Variants in DNAI3 observed in about 807,000 individuals in gnomAD.
DNAI3 encodes the protein dynein axonemal intermediate chain 3.
DNAI3 carries 83 observed loss-of-function variants against 115.5 expected under a neutral mutation model. The observed-to-expected ratio is 0.72, with a 90% CI of 0.60 to 0.86. DNAI3 has a LOEUF of 0.86. Ranked by LOEUF, DNAI3 falls within the 40% of genes least tolerant of loss-of-function variation. DNAI3 has a pLI of 0.00. For synonymous variants in DNAI3, 320 were observed against 347.0 expected, an observed-to-expected ratio of 0.92 and a Z score of 0.86; for missense variants, 1,004 against 1,075.8, an observed-to-expected ratio of 0.93 and a Z score of 0.93.
intron 1 of DNAI3, among the ~76,000 whole-genome samples, chr1:85,071,450 T>G (rs1156722685): frequency 6.6e-6 from 1 of 152,212 alleles, no homozygotes; most frequent in Admixed American, 6.5e-5. Context: ...CATGCTGAGA[T>G]AAAAGTATGA....
rs57826280 is a variant in DNAI3 at position 85,084,473 on chromosome 1, A to AATATAT, written c.391-61_391-56dup. Reference sequence around the variant, plus strand: ...TATATAAAAGTAAAGTTTGTTGCAAAATATATATATATATATAAAGCTATA... The same window carrying AATATAT: ...TATATAAAAGTAAAGTTTGTTGCAAAATATATATATATATATATATATAAAGCTATA... On this transcript the variant is annotated intron_variant, in intron 5 of 22. Transcript: ENST00000294664. 1.2e-3 allele frequency: 1,150 copies of AATATAT among 954,354 alleles called. 2 individuals are homozygous for AATATAT. The East Asian group carries it at 0.029, about 24-fold the overall frequency. The allele number at this position is 954,354 out of a possible 1,614,324, so 59.1% of individuals were successfully genotyped here.
rs200837694 is a variant in DNAI3, at chr1:85,094,572, G to A, written c.1173+17G>A. On this transcript the variant is annotated intron_variant, in intron 10 of 22. Coordinates refer to ENST00000294664, the MANE Select transcript of DNAI3 (RefSeq NM_145172.5). ...CATCCTCAGGTAATTAGGGAGAGTT[G>A]CCTACATAGCCTAAATTTTCAAATA... The A allele has an allele frequency of 1.1e-4, 171 of 1,610,742 alleles. 3 individuals carry two copies. In the African/African-American group the frequency reaches 1.8e-3, roughly 17 times the overall value.
chr1:85,131,768 T>C (rs1656331638), intron 22 of DNAI3, among the ~76,000 whole-genome samples: 1 of 152,178 alleles, frequency 6.6e-6, no homozygotes, highest in Non-Finnish European at 1.5e-5. Flanking sequence ...ATTATGAGTG[T>C]TTAAATACCA....
At chr1:85,101,886 C>T (rs575680968) in intron 13 of DNAI3, among the ~76,000 whole-genome samples, 5 of 151,778 alleles carry the variant, frequency 3.3e-5, no homozygotes, top group African/African-American at 9.7e-5. Flanking sequence ...AAAATATACA[C>T]ATATAAATTT....
chr1:85,124,501 G>T (rs2100614682), intron 19 of DNAI3, among the ~76,000 whole-genome samples: 1 of 152,240 alleles, frequency 6.6e-6, no homozygotes, highest in South Asian at 2.1e-4. Flanking sequence ...AACAGTCTTG[G>T]AATATCTACT....
intron 8 of DNAI3, 140 bp from the exon 9 acceptor site, chr1:85,093,318 T>G: frequency 4.8e-6 from 4 of 832,210 alleles, no homozygotes; most frequent in Non-Finnish European, 7.3e-6. Flanking sequence ...TCACATGAGG[T>G]TAATCATTAT....
At chr1:85,128,861 T>TA in intron 21 of DNAI3, 62 bp downstream of exon 21, 2 of 1,453,860 alleles carry the variant, frequency 1.4e-6, no homozygotes, top group South Asian at 1.2e-5. Context: ...GATATGTCTT[T>TA]AAAAAAATGT....
At chr1:85,132,528 G>A in intron 22 of DNAI3, among the ~76,000 whole-genome samples, 1 of 152,176 alleles carries the variant, frequency 6.6e-6, no homozygotes, top group Non-Finnish European at 1.5e-5. Flanking sequence ...TCAGAAGAGG[G>A]GGATTTCAAA....
intron 11 of DNAI3, among the ~76,000 whole-genome samples, chr1:85,096,670 A>G (rs1571177113): frequency 6.6e-6 from 1 of 152,000 alleles, no homozygotes; most frequent in East Asian, 1.9e-4. Context: ...CAAGGTTTAA[A>G]TTCATTGTGA....
At chr1:85,109,132 T>A (rs1655582046) in intron 15 of DNAI3, among the ~76,000 whole-genome samples, 1 of 152,228 alleles carries the variant, frequency 6.6e-6, no homozygotes, top group African/African-American at 2.4e-5. Flanking sequence ...TTGTTTGTAT[T>A]TATCTCACAT....
At chr1:85,099,152 C>A in intron 13 of DNAI3, 1 of 750,044 alleles carries the variant, frequency 1.3e-6, no homozygotes, top group Non-Finnish European at 1.6e-6. Context: ...TGGTGTTTGT[C>A]TTTATGGTTG....
chr1:85,132,362 A>C (rs1317094226), intron 22 of DNAI3, among the ~76,000 whole-genome samples: 1 of 152,246 alleles, frequency 6.6e-6, no homozygotes, highest in Non-Finnish European at 1.5e-5. Flanking sequence ...TGCAAACATA[A>C]AATCTGGAAA....
intron 22 of DNAI3, 39 bp from the exon 23 acceptor site, chr1:85,132,816 G>T (rs745405518): frequency 2.5e-6 from 4 of 1,584,104 alleles, no homozygotes; most frequent in Non-Finnish European, 3.4e-6. Context: ...TTAGATATCA[G>T]TGTTTTATAG....
intron 10 of DNAI3, among the ~76,000 whole-genome samples, chr1:85,095,325 C>T (rs1004242591): frequency 6.6e-6 from 1 of 152,056 alleles, no homozygotes. Context: ...CTAAAAAACC[C>T]TAGCCTCCCC....
intron 11 of DNAI3, among the ~76,000 whole-genome samples, chr1:85,097,148 A>G (rs11161528): frequency 0.074 from 11,247 of 152,114 alleles, 562 homozygotes; most frequent in East Asian, 0.17. Context: ...TCAATTAAAT[A>G]GAAATAATCA....
intron 22 of DNAI3, among the ~76,000 whole-genome samples, 188 bp from the exon 23 acceptor site, chr1:85,132,667 C>T (rs966793961): frequency 1.3e-5 from 2 of 152,018 alleles, no homozygotes; most frequent in Non-Finnish European, 2.9e-5. Context: ...TGTTTCCCCC[C>T]ACTCCCTCCT....
At position 85,095,960 on chromosome 1, in the gene DNAI3, C is replaced by T. The variant is rs1393636421; in HGVS notation, c.1203C>T (p.Phe401=). 4 of 1,613,906 alleles carry T rather than the reference C, an allele frequency of 2.5e-6. No individual in the cohort carries two copies. The highest frequency in any genetic ancestry group is 3.4e-6 in the Non-Finnish European group (4 of 1,179,912). ...TGCTGGAGAGCCCAGATGACATCTT[C>T]TGCTTCAAGTTCTGTCCGAGTGATC... ...QLMLESPDDI[F]CFKFCPSDPN... is the part of the protein sequence containing the mutation. The change falls in exon 11 of 23, where the codon TTC becomes TTT. Residue 401 remains phenylalanine, a synonymous_variant. Transcript: ENST00000294664.
chr1:85,094,285 C>T, intron 9 of DNAI3, 146 bp from the exon 10 acceptor site: 1 of 1,080,992 alleles, frequency 9.3e-7, no homozygotes, highest in Non-Finnish European at 1.3e-6. Context: ...GTGGCAACCA[C>T]ATTAGCCAGC....
In DNAI3 at chr1:85,085,871, C is replaced by G. The variant is rs1394076643; in HGVS notation, c.581C>G (p.Ala194Gly). ...TCTCGAAAACGAAGTGAATTTGGTG[C>G]ACCAATTAAGTTCAGTGACCAGAAT... ...MISRKRSEFGAPIKFSDQNAS... is the reference protein window; with the variant it reads ...MISRKRSEFGGPIKFSDQNAS... Residue 194 changes from alanine (A) to glycine (G), a missense_variant, in exon 7 of 23, where the codon GCA (alanine) becomes GGA (glycine). Ala to Gly is a moderately conservative substitution (Grantham distance 60, BLOSUM62 0). Transcript: ENST00000294664. 1 of 1,614,132 alleles carries G rather than the reference C, an allele frequency of 6.2e-7. No homozygotes were observed. Among genetic ancestry groups the G allele is most frequent in the Non-Finnish European group, 8.5e-7 (1 of 1,180,020 alleles).
Sources: allele counts gnomAD v4.1 joint callset (sites outside exome capture counted in the v4.1 genomes callset), GRCh38; gene constraint gnomAD v4.1.1; transcripts MANE v1.5; gene names NCBI Gene and HGNC (gene_info 2026-07-23, HGNC 2026-07-21).